Variants in ENGASE observed in about 807,000 individuals in gnomAD.
ENGASE encodes the protein endo-beta-N-acetylglucosaminidase, also known as cytosolic endo-beta-N-acetylglucosaminidase.
Under a neutral mutation model 78.5 loss-of-function variants are expected in ENGASE, and 69 were observed. That is an observed-to-expected ratio of 0.88 (90% CI 0.72 to 1.07). The LOEUF (loss-of-function observed/expected upper bound fraction) is 1.07, where lower values mean the gene tolerates loss of function less well. Ranked by LOEUF, ENGASE falls within the 50% of genes least tolerant of loss-of-function variation. The pLI, the probability that ENGASE is intolerant of heterozygous loss-of-function variation, is 0.00. For missense variants in ENGASE, 943 were observed against 988.4 expected (o/e 0.95, Z 0.62); for synonymous variants, 408 against 408.9 (o/e 1.00, Z 0.03).
intron 1 of ENGASE, 82 bp from the exon 2 acceptor site, chr17:79,077,348 G>T: frequency 8.3e-7 from 1 of 1,211,650 alleles, no homozygotes. Context: ...TCTGTGTTTA[G>T]ATGAAACTGG....
chr17:79,080,208 G>T lies in ENGASE; in HGVS notation c.567G>T (p.Gly189=). Residue 189 remains glycine (G), a splice_region_variant and synonymous_variant, in exon 5 of 14, where the codon GGG becomes GGT. Transcript: ENST00000579016. ...TAHRHGVCVL[G]TFITEWNEGG... is the part of the protein sequence containing the mutation. Reference sequence around the variant, plus strand: ...CTTGTTTCTCTCCTATCCTCACAGGGACTTTCATCACGGAGTGGAATGAAG... The same window carrying T: ...CTTGTTTCTCTCCTATCCTCACAGGTACTTTCATCACGGAGTGGAATGAAG... The T allele has an allele frequency of 6.3e-7, 1 of 1,594,928 alleles. No homozygotes were observed. The highest frequency in any genetic ancestry group is 1.1e-5 in the South Asian group (1 of 89,472).
Position 79,083,031 on chromosome 17 carries a change from G to A in ENGASE, c.1050G>A (p.Leu350=), listed in dbSNP as rs757200943. The part of the protein sequence containing the change: ...GRFDTDKSLE[L]IRKHGFSVAL... ...CTCTGTCTCTTCAGTCGTTGGAGCT[G>A]ATCCGAAAGCATGGCTTCTCCGTGG... The change falls in exon 8 of 14, where the codon CTG becomes CTA. Residue 350 remains leucine, a synonymous_variant. Transcript: ENST00000579016. The surrounding 1 kb of genome is among the most constrained non-coding windows in gnomAD (Gnocchi z 4.9). 6.2e-7 allele frequency: 1 copy of A among 1,613,958 alleles called. No homozygotes were observed. The highest frequency in any genetic ancestry group is 8.5e-7 in the Non-Finnish European group (1 of 1,179,958).
chr17:79,075,696 G>A (rs2145965262), intron 1 of ENGASE: 3 of 985,472 alleles, frequency 3.0e-6, no homozygotes, highest in Non-Finnish European at 3.6e-6. Flanking sequence ...TGCAGGGGGA[G>A]AAGTTAGGAG....
chr17:79,086,641 A>G lies in ENGASE; in HGVS notation c.*292A>G, dbSNP rs2073321523. On this transcript the variant is annotated 3_prime_UTR_variant, in exon 14 of 14. Transcript: ENST00000579016. Reference sequence around the variant, plus strand: ...CTGGTTCCCAGGTGAAAATGAAAGGAGGGGAGAAGTTGAGAACAGAACATT... The same window carrying G: ...CTGGTTCCCAGGTGAAAATGAAAGGGGGGGAGAAGTTGAGAACAGAACATT... The G allele has an allele frequency of 1.9e-6, 1 of 523,812 alleles. No homozygotes were observed. Among genetic ancestry groups the G allele is most frequent in the Non-Finnish European group, 3.4e-6 (1 of 289,886 alleles). 32.4% of individuals were successfully genotyped at this position (523,812 alleles called of 1,614,324 possible).
rs894487918 is a variant in ENGASE, at chr17:79,086,711, G to A, written c.*362G>A. On this transcript the variant is annotated 3_prime_UTR_variant, in exon 14 of 14. Transcript: ENST00000579016. ...ATAGGCTGCAAGATGCTGATGCCGA[G>A]AATGATGATTTTCTTTCCTGCAGAT... The A allele has an allele frequency of 2.5e-6, 1 of 396,872 alleles. No homozygotes were observed. Among genetic ancestry groups the A allele is most frequent in the Non-Finnish European group, 4.8e-6 (1 of 207,036 alleles). 24.6% of individuals were successfully genotyped at this position (396,872 alleles called of 1,614,324 possible). A position where few individuals can be genotyped will look rare whatever the true frequency, so the allele number is the denominator to read the frequency against.
rs553307487 is a variant in ENGASE at position 79,078,499 on chromosome 17, G to A, written c.416+635G>A. ...GGGGGTCCTCTTCGGCTGCCTGTCCGCAGCCTCACCCCCTCACGTGGTTTG... is the reference window on the plus strand; with the variant it reads ...GGGGGTCCTCTTCGGCTGCCTGTCCACAGCCTCACCCCCTCACGTGGTTTG... On this transcript the variant is annotated intron_variant, in intron 3 of 13. Transcript: ENST00000579016. 7.2e-5 allele frequency among the ~76,000 whole-genome samples: 11 copies of A among 152,216 alleles called. No individual in the cohort carries two copies. In the South Asian group the frequency reaches 1.2e-3, roughly 17 times the overall value.
chr17:79,085,010 G>A (rs922828079), intron 11 of ENGASE, among the ~76,000 whole-genome samples: 17 of 152,238 alleles, frequency 1.1e-4, no homozygotes, highest in African/African-American at 2.9e-4. Flanking sequence ...TGGGGGAGAC[G>A]GCAGGCTGGA....
At position 79,081,077 on chromosome 17, in the gene ENGASE, A is replaced by T. The variant is rs1016813134; in HGVS notation, c.872+4A>T. The T allele has an allele frequency of 3.5e-5, 49 of 1,388,014 alleles. No homozygotes were observed. The Admixed American group carries it at 8.9e-4, about 25-fold the overall frequency. 86.0% of individuals were successfully genotyped at this position (1,388,014 alleles called of 1,614,324 possible). ...ACGAACTCAACCAGCACAACAGGTG[A>T]GCCTGCAGACAGGTGCTGTGAGGGG... On this transcript the variant is annotated splice_donor_region_variant and intron_variant, in intron 6 of 13. Coordinates refer to ENST00000579016, the MANE Select transcript of ENGASE (RefSeq NM_001042573.3).
rs2073308102 is a variant in ENGASE, at chr17:79,086,312, G to A, written c.2195G>A (p.Trp732Ter). ...GGGTTCCGGGTACCTCAGGCCGAGT[G>A]GGGCAGGGCAGTTCTGCTTTATTCA... ...KEGFRVPQAE[W>*]GRAVLLYSAP... The change falls in exon 14 of 14, where the codon TGG becomes TAG. Residue 732 changes from tryptophan to a stop codon, truncating the protein, a stop_gained. Transcript: ENST00000579016. LOFTEE classifies it high-confidence loss of function. The A allele has an allele frequency of 1.2e-6, 2 of 1,613,448 alleles. No homozygotes were observed. The highest frequency in any genetic ancestry group is 1.7e-6 in the Non-Finnish European group (2 of 1,180,032).
At chr17:79,080,121 GC>G in intron 4 of ENGASE, 85 bp from the exon 5 acceptor site, 1 of 1,450,028 alleles carries the variant, frequency 6.9e-7, no homozygotes, top group East Asian at 2.3e-5. Flanking sequence ...TACTGAAGCT[GC>G]TGGTTCGAGA....
At chr17:79,085,001 G>C (rs961444288) in intron 11 of ENGASE, among the ~76,000 whole-genome samples, 1 of 152,156 alleles carries the variant, frequency 6.6e-6, no homozygotes, top group Admixed American at 6.5e-5. Context: ...CAAATGGGGT[G>C]GGGGAGACGG....
At position 79,083,737 on chromosome 17, in the gene ENGASE, C is replaced by A; in HGVS notation, c.1252-24C>A. The A allele has an allele frequency of 6.3e-7, 1 of 1,599,300 alleles. No homozygotes were observed. Among genetic ancestry groups the A allele is most frequent in the Non-Finnish European group, 8.5e-7 (1 of 1,171,884 alleles). ...CTGCTCTGTTGGCCTCTGCTGAGTG[C>A]CCCTGTTCTGCCCTTTTCTTCAGGA... On this transcript the variant is annotated intron_variant, in intron 9 of 13. Coordinates refer to ENST00000579016, the MANE Select transcript of ENGASE (RefSeq NM_001042573.3). The surrounding 1 kb of genome is among the most constrained non-coding windows in gnomAD (Gnocchi z 4.9).
chr17:79,080,411 C>T (rs751577234), intron 5 of ENGASE, 47 bp downstream of exon 5: 16 of 1,595,694 alleles, frequency 1.0e-5, no homozygotes, highest in South Asian at 4.4e-5. Context: ...GCTGTGTTGC[C>T]GCCCACCTCC....
At position 79,083,387 on chromosome 17, in the gene ENGASE, A is replaced by G. The variant is rs1271231292; in HGVS notation, c.1143-95A>G. The G allele has an allele frequency of 2.2e-6, 2 of 923,782 alleles. No homozygotes were observed. Among genetic ancestry groups the G allele is most frequent in the African/African-American group, 3.3e-5 (2 of 60,828 alleles). The allele number at this position is 923,782 out of a possible 1,614,324, so 57.2% of individuals were successfully genotyped here. ...CTGGAAGTCCTGTCTTGGAGGGTGCAGGAGAGCCTCGAGTTTCCACCAGCA... is the reference window on the plus strand; with the variant it reads ...CTGGAAGTCCTGTCTTGGAGGGTGCGGGAGAGCCTCGAGTTTCCACCAGCA... On this transcript the variant is annotated intron_variant, in intron 8 of 13. Coordinates refer to ENST00000579016, the MANE Select transcript of ENGASE (RefSeq NM_001042573.3). This position sits in a 1 kb window ranked among gnomAD's most constrained non-coding sequence, Gnocchi z 4.9.
intron 1 of ENGASE, among the ~76,000 whole-genome samples, chr17:79,076,151 C>G (rs1040909853): frequency 3.9e-5 from 6 of 152,180 alleles, no homozygotes; most frequent in Admixed American, 3.9e-4. Flanking sequence ...GGAGTGATGG[C>G]AGATGACAAC....
rs2073193527 is a variant in ENGASE, at chr17:79,083,141, G to T, written c.1142+18G>T. 1 of 1,580,094 alleles carries T rather than the reference G, an allele frequency of 6.3e-7. No individual in the cohort carries two copies. The stretch of plus-strand genomic sequence containing the variant: ...CAGGACAAGTGAGTCCTGCTGTCCT[G>T]GGTGCTTAGTGCAGGCTGATGGGAG... On this transcript the variant is annotated intron_variant, in intron 8 of 13. Coordinates refer to ENST00000579016, the MANE Select transcript of ENGASE (RefSeq NM_001042573.3). This position sits in a 1 kb window ranked among gnomAD's most constrained non-coding sequence, Gnocchi z 4.9.
intron 1 of ENGASE, 83 bp downstream of exon 1, chr17:79,075,173 C>G (rs59062767): frequency 5.1e-6 from 6 of 1,182,144 alleles, no homozygotes; most frequent in Non-Finnish European, 6.3e-6. Context: ...CCGGCACGGG[C>G]GCGCCGAGGG....
intron 10 of ENGASE, 162 bp from the exon 11 acceptor site, chr17:79,084,376 G>A (rs988070944): frequency 1.5e-6 from 1 of 667,452 alleles, no homozygotes; most frequent in African/African-American, 1.9e-5. Flanking sequence ...CTGGCCTTGG[G>A]GGAGGACTTG....
At chr17:79,082,492 T>A (rs986330897) in intron 7 of ENGASE, 41 of 1,203,440 alleles carry the variant, frequency 3.4e-5, no homozygotes, top group Non-Finnish European at 4.2e-5. Context: ...GTAGGTGTCA[T>A]GACGAGGGAG....
Sources: gnomAD v4.1 joint callset for allele counts (sites outside exome capture counted in the v4.1 genomes callset) on GRCh38, gnomAD v4.1.1 for gene constraint, Gnocchi (gnomAD v3.1) non-coding constraint, MANE v1.5 for transcripts, NCBI Gene and HGNC (gene_info 2026-07-23, HGNC 2026-07-21) for gene names.